SERINC5: variants seen among roughly 807,000 people sequenced by gnomAD.
SERINC5 encodes the protein serine incorporator 5.
In SERINC5, 41 loss-of-function variants were observed where a neutral mutation model predicts 63.1. The observed-to-expected ratio is 0.65, with a 90% CI of 0.51 to 0.84. The LOEUF (loss-of-function observed/expected upper bound fraction) is 0.84, where lower values mean the gene tolerates loss of function less well. Ranked by LOEUF, SERINC5 falls within the 40% of genes least tolerant of loss-of-function variation. The probability of loss-of-function intolerance (pLI) is 0.00; values close to 1 mark genes in which losing one functional copy is unlikely to be tolerated. For synonymous variants in SERINC5, 222 were observed against 215.2 expected (o/e 1.03, Z -0.28); for missense variants, 523 against 573.0 (o/e 0.91, Z 0.89).
intron 1 of SERINC5, among the ~76,000 whole-genome samples, chr5:80,245,652 T>C (rs1752137444): frequency 6.6e-6 from 1 of 152,080 alleles, no homozygotes; most frequent in African/African-American, 2.4e-5. Flanking sequence ...TCTCACTCTG[T>C]TGCCCAGGCT....
At chr5:80,179,913 T>G (rs1307340699) in intron 2 of SERINC5, among the ~76,000 whole-genome samples, 1 of 152,246 alleles carries the variant, frequency 6.6e-6, no homozygotes, top group African/African-American at 2.4e-5. Flanking sequence ...ATTGCACATT[T>G]CCCAACTTGG....
intron 1 of SERINC5, among the ~76,000 whole-genome samples, chr5:80,216,682 CAA>C (rs754192756): frequency 2.0e-5 from 3 of 151,812 alleles, no homozygotes; most frequent in Non-Finnish European, 2.9e-5. Context: ...TGGGAGAAAA[CAA>C]AAGTACCCAT....
At chr5:80,172,926 C>A (rs1479311635) in intron 5 of SERINC5, among the ~76,000 whole-genome samples, 1 of 152,110 alleles carries the variant, frequency 6.6e-6, no homozygotes, top group Non-Finnish European at 1.5e-5. Flanking sequence ...TAACCTTTCC[C>A]CTGAATGTCA....
In SERINC5 at chr5:80,198,367, G is replaced by C. The variant is rs11949484; in HGVS notation, c.195+4519C>G. 2.6e-5 allele frequency among the ~76,000 whole-genome samples: 4 copies of C among 152,202 alleles called. No homozygotes were observed. The East Asian group carries it at 5.8e-4, about 22-fold the overall frequency. Reference sequence around the variant, plus strand: ...GGAGTTTCCCTAAAGAAAAGAAGCAGGACAAAGTCTGGCCCAGCATCCCTT... The same window carrying C: ...GGAGTTTCCCTAAAGAAAAGAAGCACGACAAAGTCTGGCCCAGCATCCCTT... On this transcript the variant is annotated intron_variant, in intron 2 of 11. Transcript: ENST00000507668.
chr5:80,222,561 A>AGTGTGTGTGTGTGTGTGT lies in SERINC5; in HGVS notation c.28-19509_28-19508insACACACACACACACACAC, dbSNP rs752186814. 7.6e-3 allele frequency among the ~76,000 whole-genome samples: 1,105 copies of AGTGTGTGTGTGTGTGTGT among 146,266 alleles called. 11 individuals carry two copies. The highest frequency in any genetic ancestry group is 0.018 in the Middle Eastern group (5 of 284). On this transcript the variant is annotated intron_variant, in intron 1 of 11. Coordinates refer to ENST00000507668, the MANE Select transcript of SERINC5 (RefSeq NM_001174072.3). ...TGGGTTTTTTGTGGGTGAGTGTGTG[A>AGTGTGTGTGTGTGTGTGT]GTGTGTGAGTGTGTGTGTGTGTGTG...
intron 1 of SERINC5, among the ~76,000 whole-genome samples, chr5:80,211,945 G>A (rs1750450307): frequency 6.6e-6 from 1 of 152,192 alleles, no homozygotes. Flanking sequence ...TTTAGCTTCA[G>A]TGCTTGAGTT....
chr5:80,230,227 T>C (rs1051616538), intron 1 of SERINC5, among the ~76,000 whole-genome samples: 1 of 151,942 alleles, frequency 6.6e-6, no homozygotes, highest in Non-Finnish European at 1.5e-5. Flanking sequence ...TCCCAGCACT[T>C]TGGGAGGCTG....
chr5:80,150,349 C>T (rs1048929425), intron 9 of SERINC5, among the ~76,000 whole-genome samples: 12 of 152,188 alleles, frequency 7.9e-5, no homozygotes, highest in African/African-American at 2.9e-4. Context: ...ACCCAAGAGG[C>T]CAGCTTTCTT....
At chr5:80,205,260 C>T (rs553071280) in intron 1 of SERINC5, among the ~76,000 whole-genome samples, 3 of 152,324 alleles carry the variant, frequency 2.0e-5, no homozygotes, top group Admixed American at 1.3e-4. Context: ...GAGCTTTCTT[C>T]GTTCACTCCA....
Position 80,115,551 on chromosome 5 carries a change from A to G in SERINC5, c.1239-1926T>C, listed in dbSNP as rs542415282. 3.0e-3 allele frequency among the ~76,000 whole-genome samples: 461 copies of G among 152,126 alleles called. 3 individuals carry two copies. The highest frequency in any genetic ancestry group is 5.3e-3 in the Non-Finnish European group (361 of 68,020). ...CCCTGTCTAGACTTTGAGTAAGTTG[A>G]GGGTAGAATTTGTTCTATTTCATAA... On this transcript the variant is annotated intron_variant, in intron 11 of 12. Transcript: ENST00000509193.
At chr5:80,122,216 A>ATATATATATATATATATATATATAATG (rs1561348089) in intron 11 of SERINC5, among the ~76,000 whole-genome samples, 3 of 67,518 alleles carry the variant, frequency 4.4e-5, no homozygotes, top group African/African-American at 2.1e-4. Context: ...TATATATAAT[A>ATATATATATATATATATATATATAATG]TGAGTTTATT....
chr5:80,227,385 C>T (rs1365853813), intron 1 of SERINC5, among the ~76,000 whole-genome samples: 1 of 152,034 alleles, frequency 6.6e-6, no homozygotes, highest in Non-Finnish European at 1.5e-5. Context: ...GTCAGCCAGG[C>T]CCTAAACTCT....
At chr5:80,203,434 G>A (rs1467053131) in intron 1 of SERINC5, among the ~76,000 whole-genome samples, 2 of 151,768 alleles carry the variant, frequency 1.3e-5, no homozygotes, top group South Asian at 4.2e-4. Context: ...AGCTGTGGGA[G>A]ATCAAGGTAA....
Position 80,143,400 on chromosome 5 carries a change from A to G in SERINC5, c.*263T>C, listed in dbSNP as rs1745626145. The G allele has an allele frequency of 3.4e-6, 4 of 1,182,534 alleles. No individual in the cohort carries two copies. In the African/African-American group the frequency reaches 4.7e-5, roughly 14 times the overall value. The allele number at this position is 1,182,534 out of a possible 1,614,324, so 73.3% of individuals were successfully genotyped here. Reference sequence around the variant, plus strand: ...CAAAAACATGCAGAAGGAAGTCAACATAACTGGTATCCAGTTCCTAGGGGT... The same window carrying G: ...CAAAAACATGCAGAAGGAAGTCAACGTAACTGGTATCCAGTTCCTAGGGGT... On this transcript the variant is annotated 3_prime_UTR_variant, in exon 12 of 12. Coordinates refer to ENST00000507668, the MANE Select transcript of SERINC5 (RefSeq NM_001174072.3).
downstream of SERINC5, among the ~76,000 whole-genome samples, chr5:80,133,891 G>T (rs1202352713): frequency 6.6e-6 from 1 of 152,204 alleles, no homozygotes; most frequent in Non-Finnish European, 1.5e-5. Flanking sequence ...TGAAATCACA[G>T]GGAGTTGAAG....
At chr5:80,179,055 T>C (rs1199457837) in intron 2 of SERINC5, among the ~76,000 whole-genome samples, 1 of 152,098 alleles carries the variant, frequency 6.6e-6, no homozygotes, top group African/African-American at 2.4e-5. Flanking sequence ...ATCCCAGCAC[T>C]TTGGGAGGCC....
chr5:80,205,661 T>C (rs1043742142), intron 1 of SERINC5, among the ~76,000 whole-genome samples: 5 of 152,142 alleles, frequency 3.3e-5, no homozygotes, highest in Admixed American at 6.5e-5. Context: ...TAATAAACCA[T>C]AAGGTAATAG....
At chr5:80,167,768 A>T (rs1323344411) in intron 6 of SERINC5, among the ~76,000 whole-genome samples, 1 of 152,212 alleles carries the variant, frequency 6.6e-6, no homozygotes, top group African/African-American at 2.4e-5. Flanking sequence ...AAGGAAACTA[A>T]GGGTTCAGAT....
chr5:80,176,979 C>A (rs1748076386), intron 4 of SERINC5, among the ~76,000 whole-genome samples: 1 of 152,154 alleles, frequency 6.6e-6, no homozygotes, highest in South Asian at 2.1e-4. Context: ...TTTTCCTGTC[C>A]CACTATCGCT....
Sources: gnomAD v4.1 joint callset for allele counts (sites outside exome capture counted in the v4.1 genomes callset) on GRCh38, gnomAD v4.1.1 for gene constraint, MANE v1.5 for transcripts, NCBI Gene and HGNC (gene_info 2026-07-23, HGNC 2026-07-21) for gene names.